PLSCR2: variants seen among roughly 807,000 people sequenced by gnomAD.
PLSCR2 encodes phospholipid scramblase 2.
PLSCR2 carries 18 observed loss-of-function variants against 25.3 expected under a neutral mutation model. That is an observed-to-expected ratio of 0.71 (90% confidence interval 0.49 to 1.06). The LOEUF is 1.06. PLSCR2 is among the 50% of genes least tolerant of loss of function. The probability of loss-of-function intolerance (pLI) is 0.00; values close to 1 mark genes in which losing one functional copy is unlikely to be tolerated. For missense variants in PLSCR2, 243 were observed against 269.5 expected, an observed-to-expected ratio of 0.90 and a Z score of 0.69; for synonymous variants, 88 against 87.3, an observed-to-expected ratio of 1.01 and a Z score of -0.04.
chr3:146,454,744 A>C (rs1486275345), intron 4 of PLSCR2, among the ~76,000 whole-genome samples: 1 of 152,202 alleles, frequency 6.6e-6, no homozygotes, highest in Non-Finnish European at 1.5e-5. Context: ...ATAGATATGT[A>C]CGTTTTTATT....
rs368578547 is a variant in PLSCR2 at position 146,410,640 on chromosome 3, A to G, written c.101-14719T>C. Among the ~76,000 whole-genome samples the G allele has an allele frequency of 9.2e-5, 14 of 152,384 alleles. No homozygotes were observed. In the East Asian group the frequency reaches 1.5e-3, roughly 17 times the overall value. ...GGACCTTGAAGAAGTTTTTACCTAG[A>G]CATCTTGGGCAGTACCAACGTCTTG... On this transcript the variant is annotated intron_variant and NMD_transcript_variant, in intron 2 of 3. Coordinates refer to the PLSCR2 transcript ENST00000463633.
chr3:146,409,060 G>T (rs372652592), intron 2 of PLSCR2, among the ~76,000 whole-genome samples: 13 of 152,162 alleles, frequency 8.5e-5, no homozygotes, highest in African/African-American at 2.9e-4. Flanking sequence ...TGAGTCCGGA[G>T]TACGGACTCC....
chr3:146,451,425 A>G (rs542300329), intron 5 of PLSCR2, among the ~76,000 whole-genome samples: 2 of 152,158 alleles, frequency 1.3e-5, no homozygotes, highest in South Asian at 4.1e-4. Flanking sequence ...TTAAGTTTTT[A>G]TCCCTGCTTC....
chr3:146,483,023 G>A (rs1352159805), intron 1 of PLSCR2, among the ~76,000 whole-genome samples: 1 of 151,784 alleles, frequency 6.6e-6, no homozygotes, highest in African/African-American at 2.4e-5. Flanking sequence ...AGGGCAATCA[G>A]GCAGGAGAAA....
At chr3:146,425,408 A>G (rs2039309135) in intron 2 of PLSCR2, among the ~76,000 whole-genome samples, 1 of 152,192 alleles carries the variant, frequency 6.6e-6, no homozygotes, top group Non-Finnish European at 1.5e-5. Context: ...GAAAGGACAT[A>G]TTAACTCTGG....
At chr3:146,480,290 A>G (rs1371051758) in intron 1 of PLSCR2, among the ~76,000 whole-genome samples, 1 of 152,212 alleles carries the variant, frequency 6.6e-6, no homozygotes, top group Admixed American at 6.5e-5. Flanking sequence ...AAATCAATGA[A>G]TCCAGGATCT....
chr3:146,443,205 T>C (rs959688449), intron 6 of PLSCR2, among the ~76,000 whole-genome samples: 1 of 152,082 alleles, frequency 6.6e-6, no homozygotes, highest in Non-Finnish European at 1.5e-5. Flanking sequence ...TCAATGTTCA[T>C]CAGGCATATT....
chr3:146,435,082 C>T (rs2039762178), intron 8 of PLSCR2, among the ~76,000 whole-genome samples: 1 of 152,040 alleles, frequency 6.6e-6, no homozygotes, highest in Non-Finnish European at 1.5e-5. Flanking sequence ...TCATCCATGT[C>T]CCTACAAAGG....
chr3:146,442,527 G>C (rs1017256000), intron 6 of PLSCR2, among the ~76,000 whole-genome samples: 9 of 151,980 alleles, frequency 5.9e-5, no homozygotes, highest in Non-Finnish European at 1.5e-5. Context: ...GAGAAACAAA[G>C]CTGGAGGCAT....
upstream of PLSCR2, chr3:146,463,789 T>C (rs2041737742): frequency 6.2e-6 from 5 of 806,346 alleles, no homozygotes; most frequent in South Asian, 2.8e-4. Context: ...TCCCTCCACA[T>C]CCTCAACTAA....
At chr3:146,470,950 G>T (rs1272360536) in intron 1 of PLSCR2, among the ~76,000 whole-genome samples, 1 of 152,096 alleles carries the variant, frequency 6.6e-6, no homozygotes, top group East Asian at 1.9e-4. Flanking sequence ...AATATATAAA[G>T]AATTTAGAAT....
At chr3:146,471,817 G>T (rs2042129642) in intron 1 of PLSCR2, among the ~76,000 whole-genome samples, 1 of 152,124 alleles carries the variant, frequency 6.6e-6, no homozygotes, top group South Asian at 2.1e-4. Flanking sequence ...ACCCACCTTG[G>T]CCTCCCAAAG....
chr3:146,418,500 C>G (rs531855982), intron 2 of PLSCR2, among the ~76,000 whole-genome samples: 2 of 152,090 alleles, frequency 1.3e-5, no homozygotes, highest in Admixed American at 6.6e-5. Context: ...GGCATAGTTT[C>G]CCTGTTAGAG....
chr3:146,392,530 A>G (rs1197487891), intron 3 of PLSCR2, among the ~76,000 whole-genome samples: 1 of 151,776 alleles, frequency 6.6e-6, no homozygotes. Context: ...TAAGTATTTG[A>G]TATTTTTCTT....
At chr3:146,450,413 CTG>C (rs2040825186) in intron 5 of PLSCR2, among the ~76,000 whole-genome samples, 2 of 152,302 alleles carry the variant, frequency 1.3e-5, no homozygotes, top group East Asian at 3.9e-4. Context: ...TAATATAAAA[CTG>C]TGATTGCTAT....
At chr3:146,431,768 T>C (rs1441394242), downstream of PLSCR2, among the ~76,000 whole-genome samples, 4 of 151,336 alleles carry the variant, frequency 2.6e-5, no homozygotes, top group Non-Finnish European at 4.4e-5. Flanking sequence ...AAGGTAACTA[T>C]ACAACATACT....
intron 8 of PLSCR2, among the ~76,000 whole-genome samples, chr3:146,434,536 G>A (rs1026374258): frequency 1.1e-4 from 17 of 151,784 alleles, no homozygotes; most frequent in Admixed American, 9.2e-4. Flanking sequence ...ATGTACTTAT[G>A]TAGACTTTTA....
intron 1 of PLSCR2, among the ~76,000 whole-genome samples, chr3:146,487,390 A>G (rs2108562859): frequency 6.6e-6 from 1 of 152,290 alleles, no homozygotes; most frequent in East Asian, 1.9e-4. Flanking sequence ...CTGTTTGCAA[A>G]TGACATGATC....
intron 1 of PLSCR2, among the ~76,000 whole-genome samples, chr3:146,473,691 T>C (rs1304588203): frequency 1.3e-5 from 2 of 152,230 alleles, no homozygotes; most frequent in African/African-American, 4.8e-5. Context: ...TATCTGCTCT[T>C]ACATGGTAAA....
Sources: allele counts gnomAD v4.1 joint callset (sites outside exome capture counted in the v4.1 genomes callset), GRCh38; gene constraint gnomAD v4.1.1; transcripts MANE v1.5; gene names NCBI Gene and HGNC (gene_info 2026-07-23, HGNC 2026-07-21).